Variants in ECHDC2 observed in about 807,000 individuals in gnomAD.
ECHDC2 encodes enoyl-CoA hydratase domain-containing protein 2, mitochondrial.
ECHDC2 carries 34 observed loss-of-function variants against 40.6 expected under a neutral mutation model. The ratio of observed to expected loss-of-function variants is 0.84; its 90% confidence interval spans 0.64 to 1.11. ECHDC2 has a LOEUF of 1.11. Among genes scored for constraint, ECHDC2 ranks in the 50% most tolerant of loss-of-function variants. The pLI is 0.00. For synonymous variants in ECHDC2, 162 were observed against 166.6 expected (o/e 0.97, Z 0.21); for missense variants, 392 against 400.7 (o/e 0.98, Z 0.19).
chr1:52,897,351 T>G (rs1167211108), intron 9 of ECHDC2, 86 bp downstream of exon 9: 9 of 1,344,856 alleles, frequency 6.7e-6, no homozygotes, highest in Non-Finnish European at 8.6e-6. Context: ...AGAAGAACCT[T>G]CTAAAATTGG....
chr1:52,905,643 A>ACC (rs113532438), intron 5 of ECHDC2: 2,567 of 156,610 alleles, frequency 0.016, 44 homozygotes, highest in African/African-American at 0.057. Context: ...TGACTGACGC[A>ACC]CCCCCCCGGG....
At chr1:52,911,932 C>T (rs1040574464) in intron 1 of ECHDC2, 142 bp from the exon 2 acceptor site, 3 of 1,461,848 alleles carry the variant, frequency 2.1e-6, no homozygotes, top group South Asian at 1.3e-5. Flanking sequence ...AAGTCACACA[C>T]TCAGGCAGGC....
At chr1:52,920,730 G>T in intron 1 of ECHDC2, 1 of 522,610 alleles carries the variant, frequency 1.9e-6, no homozygotes, top group African/African-American at 2.0e-5. Flanking sequence ...GTACATTTAA[G>T]AATAAACTTT....
intron 1 of ECHDC2, among the ~76,000 whole-genome samples, chr1:52,917,191 C>T (rs1048435256): frequency 5.3e-5 from 8 of 150,942 alleles, no homozygotes; most frequent in Non-Finnish European, 7.4e-5. Context: ...CACTGCACTC[C>T]GGCCTGGGCA....
rs190331358 is a variant in ECHDC2, at chr1:52,903,733, C to T, written c.702+913G>A. ...TGAGCCATGATTGCACCACTGCACT[C>T]CAGCCTGGATGACACAGCGAGACCC... is the stretch of plus-strand genomic sequence containing the variant. On this transcript the variant is annotated intron_variant, in intron 7 of 9. Transcript: ENST00000371522. 1.3e-4 allele frequency among the ~76,000 whole-genome samples: 20 copies of T among 151,932 alleles called. No individual in the cohort carries two copies. The East Asian group carries it at 3.7e-3, about 28-fold the overall frequency.
At chr1:52,918,984 C>T (rs1389102179) in intron 1 of ECHDC2, among the ~76,000 whole-genome samples, 1 of 152,286 alleles carries the variant, frequency 6.6e-6, no homozygotes, top group South Asian at 2.1e-4. Context: ...GTTCCACCTC[C>T]TATCAGATCA....
At chr1:52,916,370 C>G (rs1323288972) in intron 1 of ECHDC2, among the ~76,000 whole-genome samples, 1 of 152,120 alleles carries the variant, frequency 6.6e-6, no homozygotes, top group Non-Finnish European at 1.5e-5. Flanking sequence ...CTACATCTCC[C>G]TCTCGGAATA....
intron 1 of ECHDC2, chr1:52,913,912 T>C: frequency 1.7e-6 from 2 of 1,155,528 alleles, no homozygotes; most frequent in Non-Finnish European, 2.2e-6. Context: ...GTGATGCCTC[T>C]GCACTCCTTC....
At chr1:52,913,100 C>T (rs1649927157) in intron 1 of ECHDC2, 1 of 152,168 alleles carries the variant, frequency 6.6e-6, no homozygotes, top group African/African-American at 2.4e-5. Flanking sequence ...CCACATGCTC[C>T]CCACAACTCT....
intron 1 of ECHDC2, chr1:52,915,367 G>A (rs1443140176): frequency 2.2e-6 from 1 of 455,880 alleles, no homozygotes; most frequent in African/African-American, 2.0e-5. Context: ...GCCAATGAAA[G>A]TTTCTGGGCT....
intron 5 of ECHDC2, chr1:52,905,926 C>CA (rs1335889175): frequency 4.6e-6 from 1 of 217,694 alleles, no homozygotes; most frequent in Non-Finnish European, 9.2e-6. Context: ...CCTGGGGTGG[C>CA]AGGAGAGAGC....
Position 52,921,563 on chromosome 1 carries a change from A to G in ECHDC2, c.111T>C (p.Gly37=). 2 of 1,609,202 alleles carry G rather than the reference A, an allele frequency of 1.2e-6. No homozygotes were observed. The change falls in exon 1 of 10, where the codon GGT becomes GGC. Residue 37 remains glycine (G), a synonymous_variant. Coordinates refer to ENST00000371522, the MANE Select transcript of ECHDC2 (RefSeq NM_001198961.2). ...GAACTGCACATTTACCTTGGTCCGG[A>G]CCCGCCAGGGCGCGCACTTGGATCT... The part of the protein sequence containing the change: ...GSEIQVRALA[G]PDQGITEILM...
intron 5 of ECHDC2, 90 bp from the exon 6 acceptor site, chr1:52,905,180 C>T (rs916137081): frequency 3.9e-5 from 56 of 1,432,464 alleles, no homozygotes; most frequent in East Asian, 4.8e-5. Context: ...GCTGTCTACT[C>T]GCCCCTCTAG....
chr1:52,897,051 A>G (rs181752189), intron 9 of ECHDC2: 43 of 318,448 alleles, frequency 1.4e-4, no homozygotes, highest in African/African-American at 8.4e-4. Flanking sequence ...TTAATAGGTC[A>G]GTCCCAAGTG....
At position 52,907,947 on chromosome 1, in the gene ECHDC2, G is replaced by T. The variant is rs867620188; in HGVS notation, c.285C>A (p.Asp95Glu). 6.2e-6 allele frequency: 10 copies of T among 1,613,996 alleles called. No individual in the cohort carries two copies. In the Middle Eastern group the frequency reaches 8.2e-4, roughly 133 times the overall value. ...CACTCATCTGTTCCCGCTCCTTCAG[G>T]TCTGCACCTGCAGATGGCGAGGGTT... ...GVKGVFCAGA[D>E]LKEREQMSEA... The change falls in exon 4 of 10, where the codon GAC (aspartate) becomes GAA (glutamate). Residue 95 changes from aspartate to glutamate, a missense_variant. Transcript: ENST00000371522.
chr1:52,915,284 C>A, intron 1 of ECHDC2: 1 of 456,010 alleles, frequency 2.2e-6, no homozygotes. Flanking sequence ...CCAGGGTCCT[C>A]AGCTTTGTCT....
chr1:52,918,105 C>G (rs1419097872), intron 1 of ECHDC2, among the ~76,000 whole-genome samples: 1 of 152,134 alleles, frequency 6.6e-6, no homozygotes, highest in Non-Finnish European at 1.5e-5. Flanking sequence ...TATTGGACAG[C>G]CTTGACCTCC....
intron 3 of ECHDC2, among the ~76,000 whole-genome samples, chr1:52,910,352 G>GCTTTT (rs1649094598): frequency 3.1e-5 from 1 of 32,062 alleles, no homozygotes; most frequent in African/African-American, 1.1e-4. Context: ...CCACAATTTC[G>GCTTTT]TTTTTTTTTT....
At chr1:52,899,148 C>T in intron 8 of ECHDC2, 26 bp downstream of exon 8, 1 of 1,614,022 alleles carries the variant, frequency 6.2e-7, no homozygotes, top group Non-Finnish European at 8.5e-7. Context: ...TTAGTGGACC[C>T]AAGTCCCAAC....
Sources: allele counts gnomAD v4.1 joint callset (sites outside exome capture counted in the v4.1 genomes callset), GRCh38; gene constraint gnomAD v4.1.1; transcripts MANE v1.5; gene names NCBI Gene and HGNC (gene_info 2026-07-23, HGNC 2026-07-21).